KIF16B: variants seen among roughly 807,000 people sequenced by gnomAD.
KIF16B encodes kinesin-like protein KIF16B.
A neutral mutation model predicts 156.3 loss-of-function variants in KIF16B; 98 were observed. That is an observed-to-expected ratio of 0.63 (90% CI 0.53 to 0.74). KIF16B has a LOEUF of 0.74. KIF16B is among the 30% of genes least tolerant of loss of function. KIF16B has a pLI of 0.00. For synonymous variants in KIF16B, 564 were observed against 583.7 expected (o/e 0.97, Z 0.49); for missense variants, 1,421 against 1,606.5 (o/e 0.88, Z 1.97).
At position 16,554,166 on chromosome 20, in the gene KIF16B, C is replaced by T. The variant is rs185687047; in HGVS notation, c.47+19063G>A. Among the ~76,000 whole-genome samples the T allele has an allele frequency of 2.0e-3, 302 of 152,308 alleles. 1 individual carries two copies. The highest frequency in any genetic ancestry group is 7.0e-3 in the African/African-American group (292 of 41,572). On this transcript the variant is annotated intron_variant, in intron 1 of 25. Transcript: ENST00000354981. ...CTGAGGAGGACATGAAGCCTGCGGA[C>T]CAGGCTGCCAATCCTGCAGAGTGGA...
At chr20:16,345,494 A>G (rs2064216126) in intron 23 of KIF16B, among the ~76,000 whole-genome samples, 1 of 152,224 alleles carries the variant, frequency 6.6e-6, no homozygotes, top group Admixed American at 6.5e-5. Context: ...TAACTGTTTA[A>G]AGGTTTTAGA....
intron 22 of KIF16B, chr20:16,368,644 G>C: frequency 1.0e-6 from 1 of 985,904 alleles, no homozygotes; most frequent in Non-Finnish European, 1.2e-6. Flanking sequence ...CAGTGACTCC[G>C]ATGAGCTCAT....
chr20:16,366,149 G>A (rs534500443), intron 22 of KIF16B, among the ~76,000 whole-genome samples: 1 of 152,236 alleles, frequency 6.6e-6, no homozygotes, highest in South Asian at 2.1e-4. Context: ...TCTTACCTAG[G>A]AGGAGGCAGC....
chr20:16,493,672 G>A (rs1158426458), intron 12 of KIF16B, among the ~76,000 whole-genome samples: 1 of 152,142 alleles, frequency 6.6e-6, no homozygotes, highest in Non-Finnish European at 1.5e-5. Context: ...ACAGATGACA[G>A]AGGTTGTCTG....
intron 11 of KIF16B, among the ~76,000 whole-genome samples, chr20:16,495,780 C>T (rs560915951): frequency 6.6e-6 from 1 of 152,200 alleles, no homozygotes; most frequent in South Asian, 2.1e-4. Flanking sequence ...GCCTCTACCT[C>T]CCAGAGTTTG....
intron 25 of KIF16B, among the ~76,000 whole-genome samples, chr20:16,285,254 T>C (rs1388825355): frequency 2.0e-5 from 3 of 152,202 alleles, no homozygotes; most frequent in Non-Finnish European, 4.4e-5. Context: ...GCATAGAGTA[T>C]GCATTAATAT....
chr20:16,561,381 T>C (rs1188664954), intron 1 of KIF16B, among the ~76,000 whole-genome samples: 1 of 152,218 alleles, frequency 6.6e-6, no homozygotes. Context: ...CACATAGTTC[T>C]ATACAATCAT....
chr20:16,427,221 C>G lies in KIF16B; in HGVS notation c.1495G>C (p.Glu499Gln). 1 of 1,612,122 alleles carries G rather than the reference C, an allele frequency of 6.2e-7. No homozygotes were observed. Among genetic ancestry groups the G allele is most frequent in the Non-Finnish European group, 8.5e-7 (1 of 1,179,046 alleles). The change falls in exon 15 of 26, where the codon GAG becomes CAG. Residue 499 changes from glutamate to glutamine, a missense_variant. Glu to Gln is a conservative substitution (Grantham distance 29). Coordinates refer to ENST00000354981, the MANE Select transcript of KIF16B (RefSeq NM_024704.5). ...TTTTCAAAGATGCAATGCTCACTCTCCAAGTCAAGGCCATGAAGAACTAAA... is the reference window on the plus strand; with the variant it reads ...TTTTCAAAGATGCAATGCTCACTCTGCAAGTCAAGGCCATGAAGAACTAAA... ...QDIVLHGLDL[E>Q]SEHCIFENIG...
At chr20:16,495,263 G>A (rs544962890) in intron 11 of KIF16B, among the ~76,000 whole-genome samples, 22 of 152,188 alleles carry the variant, frequency 1.4e-4, no homozygotes, top group African/African-American at 5.1e-4. Flanking sequence ...AAAGTTACCT[G>A]GTCTCCCCAG....
At chr20:16,364,858 T>C (rs890767361) in intron 22 of KIF16B, among the ~76,000 whole-genome samples, 2 of 152,214 alleles carry the variant, frequency 1.3e-5, no homozygotes, top group Non-Finnish European at 2.9e-5. Context: ...ATGAGTGATA[T>C]GATTTTTATA....
intron 12 of KIF16B, among the ~76,000 whole-genome samples, chr20:16,445,505 C>T (rs1355603400): frequency 1.4e-5 from 2 of 146,290 alleles, no homozygotes; most frequent in African/African-American, 5.2e-5. Context: ...TTTAAGTGAG[C>T]AATTTGAGTA....
intron 22 of KIF16B, among the ~76,000 whole-genome samples, chr20:16,357,986 G>A (rs1324403282): frequency 2.6e-5 from 4 of 152,146 alleles, no homozygotes; most frequent in Non-Finnish European, 5.9e-5. Context: ...TCAGGAGATC[G>A]AGACCATCCT....
intron 17 of KIF16B, among the ~76,000 whole-genome samples, chr20:16,384,975 T>C (rs1398755180): frequency 6.6e-6 from 1 of 152,052 alleles, no homozygotes; most frequent in Non-Finnish European, 1.5e-5. Context: ...GGCAGGCGGA[T>C]CACCTGAAGT....
At chr20:16,527,171 G>C (rs1481150082) in intron 2 of KIF16B, among the ~76,000 whole-genome samples, 1 of 152,202 alleles carries the variant, frequency 6.6e-6, no homozygotes, top group Non-Finnish European at 1.5e-5. Context: ...AGAGGCCAAA[G>C]GAAGGGAAAG....
At chr20:16,556,328 T>C (rs2070845801) in intron 1 of KIF16B, among the ~76,000 whole-genome samples, 1 of 152,226 alleles carries the variant, frequency 6.6e-6, no homozygotes, top group African/African-American at 2.4e-5. Flanking sequence ...CGCTCTGCCA[T>C]GAACCAACTG....
chr20:16,423,981 TGGTCACTTCCTGG>T (rs890199458), intron 15 of KIF16B, among the ~76,000 whole-genome samples: 10 of 152,222 alleles, frequency 6.6e-5, no homozygotes, highest in African/African-American at 2.4e-4. Flanking sequence ...CAACCAATTA[TGGTCACTTCCTGG>T]GCTAAAGGCA....
intron 22 of KIF16B, chr20:16,367,258 G>A: frequency 6.2e-7 from 1 of 1,612,866 alleles, no homozygotes; most frequent in Non-Finnish European, 8.5e-7. Context: ...CAATGGGGTG[G>A]TGAACAACTG....
At chr20:16,484,768 C>G (rs185353987) in intron 12 of KIF16B, among the ~76,000 whole-genome samples, 1 of 152,272 alleles carries the variant, frequency 6.6e-6, no homozygotes, top group Admixed American at 6.5e-5. Flanking sequence ...TCTCTCAAGT[C>G]ATCTTCATTG....
At chr20:16,326,599 G>A (rs763323615) in intron 24 of KIF16B, among the ~76,000 whole-genome samples, 1 of 152,002 alleles carries the variant, frequency 6.6e-6, no homozygotes, top group African/African-American at 2.4e-5. Context: ...TCAGTTAAAT[G>A]CAAATCAAAC....
Sources: gnomAD v4.1 joint callset for allele counts (sites outside exome capture counted in the v4.1 genomes callset) on GRCh38, gnomAD v4.1.1 for gene constraint, MANE v1.5 for transcripts, NCBI Gene and HGNC (gene_info 2026-07-23, HGNC 2026-07-21) for gene names.